Variants in LVRN observed in about 807,000 individuals in gnomAD.
LVRN encodes laeverin.
A neutral mutation model predicts 111.4 loss-of-function variants in LVRN; 99 were observed. That is an observed-to-expected ratio of 0.89 (90% CI 0.76 to 1.05). The LOEUF (loss-of-function observed/expected upper bound fraction) is 1.05, where lower values mean the gene tolerates loss of function less well. LVRN is among the 50% of genes least tolerant of loss of function. LVRN has a pLI of 0.00. For missense variants in LVRN, 1,414 were observed against 1,206.8 expected (o/e 1.17, Z -2.54); for synonymous variants, 488 against 449.5 (o/e 1.09, Z -1.08).
At chr5:115,980,887 G>A (rs770795527) in intron 1 of LVRN, among the ~76,000 whole-genome samples, 2 of 152,096 alleles carry the variant, frequency 1.3e-5, no homozygotes, top group Non-Finnish European at 2.9e-5. Flanking sequence ...CCCAACTTTA[G>A]ATGACTCATG....
Position 116,012,446 on chromosome 5 carries a change from T to C in LVRN, c.2320T>C (p.Leu774=). 1.3e-6 allele frequency: 2 copies of C among 1,548,338 alleles called. No individual in the cohort carries two copies. The highest frequency in any genetic ancestry group is 1.8e-6 in the Non-Finnish European group (2 of 1,128,032). Residue 774 remains leucine (L), a synonymous_variant, in exon 15 of 20, where the codon TTA becomes CTA. Coordinates refer to ENST00000357872, the MANE Select transcript of LVRN (RefSeq NM_173800.5). ...STIIRENVLA[L]QDDYLALISL... ...TATAATTCGTGAAAATGTGTTGGCA[T>C]TACAAGATGACTACTTAGCTCTGTA...
intron 17 of LVRN, 74 bp downstream of exon 17, chr5:116,015,493 T>G: frequency 6.8e-7 from 1 of 1,478,472 alleles, no homozygotes; most frequent in East Asian, 2.4e-5. Context: ...AATAGAAATG[T>G]GCTAATGTAA....
At chr5:115,970,974 A>G (rs1170201149) in intron 1 of LVRN, among the ~76,000 whole-genome samples, 2 of 152,220 alleles carry the variant, frequency 1.3e-5, no homozygotes, top group Non-Finnish European at 2.9e-5. Context: ...TAAAATTTTT[A>G]TCAACGTATG....
intron 10 of LVRN, 128 bp from the exon 11 acceptor site, chr5:116,002,707 G>T: frequency 1.6e-6 from 1 of 643,746 alleles, no homozygotes; most frequent in East Asian, 3.0e-5. Context: ...GCAAAGGCCT[G>T]CATATCTAGA....
At chr5:115,997,742 T>A (rs1392860820) in intron 6 of LVRN, among the ~76,000 whole-genome samples, 1 of 152,174 alleles carries the variant, frequency 6.6e-6, no homozygotes, top group Non-Finnish European at 1.5e-5. Flanking sequence ...AATATACAGA[T>A]TCATATTATC....
At position 115,963,125 on chromosome 5, in the gene LVRN, A is replaced by G. The variant is rs1458724728; in HGVS notation, c.508A>G (p.Thr170Ala). The stretch of plus-strand genomic sequence containing the variant: ...CCTTTCCCCGGGCACTGGGAACGCC[A>G]CAGTGGGCCGCGTGCCCGTGGACGA... ...GPLSPGTGNA[T>A]VGRVPVDDVW... Residue 170 changes from threonine to alanine, a missense_variant, in exon 1 of 20, where the codon ACA becomes GCA. Thr to Ala is a moderately conservative substitution (Grantham distance 58). Transcript: ENST00000357872. The G allele has an allele frequency of 6.2e-7, 1 of 1,613,484 alleles. No homozygotes were observed. The highest frequency in any genetic ancestry group is 1.7e-5 in the Admixed American group (1 of 60,004).
At chr5:116,008,896 A>G (rs565387008) in intron 13 of LVRN, among the ~76,000 whole-genome samples, 1 of 152,368 alleles carries the variant, frequency 6.6e-6, no homozygotes, top group Admixed American at 6.5e-5. Context: ...TAAGTTATCC[A>G]GAAGATCTAG....
chr5:115,966,603 C>T (rs1394555819), intron 1 of LVRN, among the ~76,000 whole-genome samples: 3 of 152,198 alleles, frequency 2.0e-5, no homozygotes, highest in Non-Finnish European at 2.9e-5. Flanking sequence ...CTACCTTTGC[C>T]TCCCAAAGCA....
In LVRN at chr5:115,987,853, G is replaced by A. The variant is rs376431449; in HGVS notation, c.1019G>A (p.Ser340Asn). 1.2e-6 allele frequency: 2 copies of A among 1,613,246 alleles called. No individual in the cohort carries two copies. Among genetic ancestry groups the A allele is most frequent in the African/African-American group, 1.3e-5 (1 of 74,954 alleles). ...CGGAAAGATGCAATTGCAAATGGAA[G>A]TGCAGACTTTGCTTTGAACATCACA... is the stretch of plus-strand genomic sequence containing the variant. The part of the protein sequence containing the change: ...WARKDAIANG[S>N]ADFALNITGP... The change falls in exon 4 of 20, where the codon AGT becomes AAT. Residue 340 changes from serine (S) to asparagine (N), a missense_variant. Coordinates refer to ENST00000357872, the MANE Select transcript of LVRN (RefSeq NM_173800.5).
intron 18 of LVRN, chr5:116,021,440 G>C (rs1173336955): frequency 6.6e-6 from 1 of 152,544 alleles, no homozygotes; most frequent in South Asian, 2.1e-4. Flanking sequence ...AAACAGTTTC[G>C]CTTGCCTCAA....
chr5:115,984,364 A>C (rs941846518), intron 2 of LVRN, among the ~76,000 whole-genome samples: 1 of 152,126 alleles, frequency 6.6e-6, no homozygotes. Context: ...TATTATTCAA[A>C]ATGCTGATTC....
chr5:115,965,074 C>T (rs1044984149), intron 1 of LVRN, among the ~76,000 whole-genome samples: 6 of 152,116 alleles, frequency 3.9e-5, no homozygotes, highest in African/African-American at 1.2e-4. Context: ...TCCTCATTCA[C>T]GGAATAGATA....
At chr5:116,007,606 A>T (rs1392199175) in intron 13 of LVRN, among the ~76,000 whole-genome samples, 1 of 152,162 alleles carries the variant, frequency 6.6e-6, no homozygotes, top group African/African-American at 2.4e-5. Flanking sequence ...CTTATGCATA[A>T]GTCTCATCTC....
In LVRN at chr5:116,000,522, C is replaced by A. The variant is rs201761440; in HGVS notation, c.1581+24C>A. The A allele has an allele frequency of 4.1e-4, 668 of 1,613,220 alleles. 2 individuals carry two copies. The highest frequency in any genetic ancestry group is 5.5e-4 in the Non-Finnish European group (645 of 1,179,338). ...AGGTGAGTTTGCAAAATAGTCGTTACCTGGATGGCAGTAAACATAAATTCC... is the reference window on the plus strand; with the variant it reads ...AGGTGAGTTTGCAAAATAGTCGTTAACTGGATGGCAGTAAACATAAATTCC... On this transcript the variant is annotated intron_variant, in intron 8 of 19. Coordinates refer to ENST00000357872, the MANE Select transcript of LVRN (RefSeq NM_173800.5).
intron 6 of LVRN, among the ~76,000 whole-genome samples, chr5:115,996,978 G>A (rs138363875): frequency 1.9e-3 from 285 of 152,228 alleles, no homozygotes; most frequent in African/African-American, 6.6e-3. Flanking sequence ...CTAGGCACTA[G>A]TTTTATGTAC....
At chr5:115,988,081 C>A in intron 4 of LVRN, 142 bp downstream of exon 4, 1 of 1,124,952 alleles carries the variant, frequency 8.9e-7, no homozygotes, top group Non-Finnish European at 1.3e-6. Flanking sequence ...CTGACCTATG[C>A]CTTATACCTT....
intron 6 of LVRN, chr5:115,995,398 C>G (rs1414029990): frequency 1.3e-5 from 2 of 152,336 alleles, no homozygotes; most frequent in African/African-American, 4.8e-5. Flanking sequence ...CACCTCCCCG[C>G]CCTTTACAGA....
At chr5:115,997,185 C>A (rs757394778) in intron 6 of LVRN, among the ~76,000 whole-genome samples, 9 of 152,046 alleles carry the variant, frequency 5.9e-5, no homozygotes, top group Non-Finnish European at 1.0e-4. Context: ...TTGTTTTACC[C>A]ATTTTCGGAC....
At chr5:115,984,516 A>G (rs1419160791) in intron 2 of LVRN, 54 bp from the exon 3 acceptor site, 1 of 1,588,482 alleles carries the variant, frequency 6.3e-7, no homozygotes. Context: ...ATTATTTCAA[A>G]GACATGTAAT....
Sources: gnomAD v4.1 joint callset for allele counts (sites outside exome capture counted in the v4.1 genomes callset) on GRCh38, gnomAD v4.1.1 for gene constraint, MANE v1.5 for transcripts, NCBI Gene and HGNC (gene_info 2026-07-23, HGNC 2026-07-21) for gene names.